The following DIP2B variants were observed in gnomAD, a reference collection of about 807,000 sequenced individuals.
DIP2B encodes the protein disco-interacting protein 2 homolog B.
DIP2B carries 76 observed loss-of-function variants against 198.0 expected under a neutral mutation model. That is an observed-to-expected ratio of 0.38 (90% CI 0.32 to 0.46). The LOEUF (loss-of-function observed/expected upper bound fraction) is 0.46. DIP2B is among the 20% of genes least tolerant of loss of function. DIP2B has a pLI of 0.99. For missense variants in DIP2B, 1,559 were observed against 1,978.4 expected (o/e 0.79, Z 4.02); for synonymous variants, 701 against 739.1 (o/e 0.95, Z 0.84).
chr12:50,623,529 G>GCACACA (rs146613951), intron 1 of DIP2B, among the ~76,000 whole-genome samples: 13 of 104,620 alleles, frequency 1.2e-4, no homozygotes, highest in Middle Eastern at 4.9e-3. Context: ...ACACACACAC[G>GCACACA]CACACACACA....
At chr12:50,615,275 T>C (rs915037195) in intron 1 of DIP2B, among the ~76,000 whole-genome samples, 1 of 152,238 alleles carries the variant, frequency 6.6e-6, no homozygotes, top group African/African-American at 2.4e-5. Context: ...TCTTTTTTTT[T>C]CTAGAAGTTT....
chr12:50,607,818 G>C (rs1181807450), intron 1 of DIP2B, among the ~76,000 whole-genome samples: 1 of 152,154 alleles, frequency 6.6e-6, no homozygotes, highest in Non-Finnish European at 1.5e-5. Context: ...TTTTGAGATG[G>C]AGTCTCAGTC....
intron 1 of DIP2B, among the ~76,000 whole-genome samples, chr12:50,559,336 G>T (rs1413654171): frequency 1.4e-5 from 2 of 142,714 alleles, no homozygotes; most frequent in Non-Finnish European, 1.5e-5. Context: ...TTTTTTGCTG[G>T]GCTGGCATAA....
At chr12:50,640,173 G>GT (rs1462505309) in intron 2 of DIP2B, among the ~76,000 whole-genome samples, 3 of 152,170 alleles carry the variant, frequency 2.0e-5, no homozygotes, top group Non-Finnish European at 2.9e-5. Flanking sequence ...AGAACTTAGT[G>GT]TTTTTCTGTT....
intron 1 of DIP2B, among the ~76,000 whole-genome samples, chr12:50,561,332 A>G (rs1336458492): frequency 1.3e-5 from 2 of 152,218 alleles, no homozygotes; most frequent in Non-Finnish European, 2.9e-5. Context: ...CAGAGTTATT[A>G]AAAGGTACAG....
intron 1 of DIP2B, among the ~76,000 whole-genome samples, chr12:50,593,724 TC>T (rs1958843721): frequency 2.8e-4 from 1 of 3,604 alleles, no homozygotes; most frequent in Non-Finnish European, 4.2e-4. Flanking sequence ...TCCTCTCCTC[TC>T]CTCTCCTCTC....
rs527348867 is a variant in DIP2B at position 50,744,952 on chromosome 12, T to C, written c.*113T>C. The C allele has an allele frequency of 4.7e-6, 6 of 1,271,982 alleles. No individual in the cohort carries two copies. Among genetic ancestry groups the C allele is most frequent in the East Asian group, 4.7e-5 (2 of 42,744 alleles). 78.8% of individuals were successfully genotyped at this position (1,271,982 alleles called of 1,614,324 possible). ...AATAAGCTGAGATGGCTACATGATA[T>C]TCTTCATCTCATCCTGTGGGATTCT... On this transcript the variant is annotated 3_prime_UTR_variant, in exon 38 of 38. Coordinates refer to ENST00000301180, the MANE Select transcript of DIP2B (RefSeq NM_173602.3).
rs1467712504 is a variant in DIP2B at position 50,640,825 on chromosome 12, G to C, written c.274G>C (p.Gly92Arg). The C allele has an allele frequency of 6.2e-7, 1 of 1,613,976 alleles. No homozygotes were observed. The highest frequency in any genetic ancestry group is 2.2e-5 in the East Asian group (1 of 44,882). The change falls in exon 3 of 38, where the codon GGA becomes CGA. Residue 92 changes from glycine to arginine, a missense_variant. Transcript: ENST00000301180. Reference sequence around the variant, plus strand: ...TAAGTACCACCGAACTCGATCTGGGGGAGCCAGGGATGAACGATATCGATC... The same window carrying C: ...TAAGTACCACCGAACTCGATCTGGGCGAGCCAGGGATGAACGATATCGATC... ...PSKYHRTRSGGARDERYRSDI... is the reference protein window; with the variant it reads ...PSKYHRTRSGRARDERYRSDI...
chr12:50,606,268 G>A lies in DIP2B; in HGVS notation c.101-19708G>A, dbSNP rs148934486. On this transcript the variant is annotated intron_variant, in intron 1 of 37. Transcript: ENST00000301180. ...TTTGAATAGCTATGGCTACAGGTGT[G>A]TGCCACCATGGCTGGCTAGTGTTTT... Among the ~76,000 whole-genome samples the A allele has an allele frequency of 1.4e-3, 216 of 152,208 alleles. 4 individuals are homozygous for A. In the East Asian group the frequency reaches 0.02, roughly 14 times the overall value.
chr12:50,670,878 G>A (rs1363637992), intron 4 of DIP2B, among the ~76,000 whole-genome samples: 1 of 152,176 alleles, frequency 6.6e-6, no homozygotes, highest in East Asian at 1.9e-4. Context: ...AACATAAGTA[G>A]ATGGACTAGA....
intron 1 of DIP2B, among the ~76,000 whole-genome samples, chr12:50,541,521 G>A (rs1958325929): frequency 6.6e-6 from 1 of 150,954 alleles, no homozygotes; most frequent in Non-Finnish European, 1.5e-5. Context: ...GTGGCTTACT[G>A]TAGCTCTTCA....
At chr12:50,623,169 A>G (rs984308358) in intron 1 of DIP2B, among the ~76,000 whole-genome samples, 3 of 151,948 alleles carry the variant, frequency 2.0e-5, no homozygotes, top group African/African-American at 7.3e-5. Context: ...GGATTGCTTG[A>G]GCCCAGGAGT....
At chr12:50,597,052 A>G (rs1249732239) in intron 1 of DIP2B, among the ~76,000 whole-genome samples, 1 of 152,170 alleles carries the variant, frequency 6.6e-6, no homozygotes, top group African/African-American at 2.4e-5. Context: ...CAATTTCCCC[A>G]GTCTTTTGTG....
intron 1 of DIP2B, among the ~76,000 whole-genome samples, chr12:50,621,579 A>T (rs1388666670): frequency 6.6e-6 from 1 of 152,222 alleles, no homozygotes; most frequent in African/African-American, 2.4e-5. Context: ...TAAACAAGAC[A>T]CAATCCCTGC....
chr12:50,577,108 CTT>C (rs1260301795), intron 1 of DIP2B, among the ~76,000 whole-genome samples: 1 of 152,130 alleles, frequency 6.6e-6, no homozygotes, highest in Non-Finnish European at 1.5e-5. Context: ...CCAGTCAAGA[CTT>C]TAAATTTTTA....
At position 50,731,517 on chromosome 12, in the gene DIP2B, A is replaced by G; in HGVS notation, c.3790A>G (p.Asn1264Asp). 1 of 1,613,464 alleles carries G rather than the reference A, an allele frequency of 6.2e-7. No individual in the cohort carries two copies. Among genetic ancestry groups the G allele is most frequent in the South Asian group, 1.1e-5 (1 of 91,010 alleles). Residue 1264 changes from asparagine to aspartate, a missense_variant, in exon 31 of 38, where the codon AAC becomes GAC. Coordinates refer to ENST00000301180, the MANE Select transcript of DIP2B (RefSeq NM_173602.3). ...GGAGCTCTGCACCAAAGGTCTTGGG[A>G]ACCAAGTGGAAGTGCTAAAGGTAAG... is the stretch of plus-strand genomic sequence containing the variant. The part of the protein sequence containing the change: ...VMELCTKGLG[N>D]QVEVLKTRGI...
intron 23 of DIP2B, among the ~76,000 whole-genome samples, chr12:50,716,274 T>C (rs956086259): frequency 5.8e-5 from 8 of 138,816 alleles, no homozygotes; most frequent in African/African-American, 1.5e-4. Context: ...GTAGACACTT[T>C]GTAGACTAAA....
chr12:50,652,711 C>T (rs1938478569), intron 3 of DIP2B, among the ~76,000 whole-genome samples: 1 of 152,106 alleles, frequency 6.6e-6, no homozygotes, highest in South Asian at 2.1e-4. Context: ...ATGCTTTGGA[C>T]AGTAACGACA....
intron 2 of DIP2B, among the ~76,000 whole-genome samples, chr12:50,628,945 C>G (rs1403074646): frequency 6.6e-6 from 1 of 152,142 alleles, no homozygotes; most frequent in African/African-American, 2.4e-5. Context: ...GTGGTGTGAT[C>G]TGGGTTAATT....
Sources: allele counts gnomAD v4.1 joint callset (sites outside exome capture counted in the v4.1 genomes callset), GRCh38; gene constraint gnomAD v4.1.1; transcripts MANE v1.5; gene names NCBI Gene and HGNC (gene_info 2026-07-23, HGNC 2026-07-21).